Variants in GREB1 observed in about 807,000 individuals in gnomAD.
GREB1 encodes the protein growth regulating estrogen receptor binding 1, also known as protein GREB1.
In GREB1, 106 loss-of-function variants were observed where a neutral mutation model predicts 200.7. That is an observed-to-expected ratio of 0.53 (90% CI 0.45 to 0.62). The LOEUF (loss-of-function observed/expected upper bound fraction) is 0.62, where lower values mean the gene tolerates loss of function less well. Among genes scored for constraint, GREB1 ranks in the 20% least tolerant of loss-of-function variants. The pLI is 0.00. For synonymous variants in GREB1, 1,132 were observed against 1,092.4 expected (o/e 1.04, Z -0.72); for missense variants, 2,243 against 2,556.8 (o/e 0.88, Z 2.65).
chr2:11,578,830 T>G (rs929448357), intron 6 of GREB1, among the ~76,000 whole-genome samples: 1 of 152,190 alleles, frequency 6.6e-6, no homozygotes, highest in East Asian at 1.9e-4. Context: ...CCCAGCTCCA[T>G]GAATGCCTTG....
At chr2:11,547,348 A>G (rs1031576112) in intron 1 of GREB1, among the ~76,000 whole-genome samples, 1 of 152,358 alleles carries the variant, frequency 6.6e-6, no homozygotes, top group East Asian at 1.9e-4. Context: ...GACAGGTCCA[A>G]CCTTTCCAAG....
intron 18 of GREB1, 151 bp downstream of exon 18, chr2:11,611,178 C>T (rs1682892510): frequency 3.0e-6 from 2 of 659,586 alleles, no homozygotes; most frequent in Admixed American, 2.9e-5. Context: ...CTCTGTGCTT[C>T]CCCACCTCTG....
chr2:11,552,702 C>T (rs968360747), intron 1 of GREB1, among the ~76,000 whole-genome samples: 2 of 152,134 alleles, frequency 1.3e-5, no homozygotes, highest in African/African-American at 4.8e-5. Flanking sequence ...GTTGTGGCCA[C>T]AATGGAATAA....
At chr2:11,554,000 T>C (rs901171364) in intron 1 of GREB1, among the ~76,000 whole-genome samples, 2 of 152,170 alleles carry the variant, frequency 1.3e-5, no homozygotes, top group Admixed American at 1.3e-4. Flanking sequence ...TTTGGGATGT[T>C]ATTCGTTGGT....
At chr2:11,553,799 C>A (rs1676168863) in intron 1 of GREB1, among the ~76,000 whole-genome samples, 1 of 152,140 alleles carries the variant, frequency 6.6e-6, no homozygotes, top group Admixed American at 6.5e-5. Flanking sequence ...CTGCTGGAGT[C>A]TCCTGGGTGC....
At chr2:11,504,897 C>T in intron 1 of GREB1, among the ~76,000 whole-genome samples, 1 of 152,166 alleles carries the variant, frequency 6.6e-6, no homozygotes, top group South Asian at 2.1e-4. Context: ...GTAACAACTG[C>T]CTTGCAAGAT....
At position 11,637,678 on chromosome 2, in the gene GREB1, C is replaced by T. The variant is rs778314016; in HGVS notation, c.5347-38C>T. On this transcript the variant is annotated intron_variant, in intron 30 of 32. Coordinates refer to ENST00000381486, the MANE Select transcript of GREB1 (RefSeq NM_014668.4). ...AAGCCATGGGAAGGTCCTCGCCCCTCAGGGCAGTAGTGGCCTGACACCCCC... is the reference window on the plus strand; with the variant it reads ...AAGCCATGGGAAGGTCCTCGCCCCTTAGGGCAGTAGTGGCCTGACACCCCC... The T allele has an allele frequency of 1.7e-5, 27 of 1,599,786 alleles. 1 individual carries two copies. In the South Asian group the frequency reaches 2.8e-4, roughly 16 times the overall value.
chr2:11,489,070 G>T (rs1672722577), intron 1 of GREB1, among the ~76,000 whole-genome samples: 1 of 152,124 alleles, frequency 6.6e-6, no homozygotes, highest in Non-Finnish European at 1.5e-5. Context: ...ATGAATAAAT[G>T]AGCTTTTGTT....
chr2:11,562,454 C>T lies in GREB1; in HGVS notation c.158-9C>T, dbSNP rs200881312. 1.7e-4 allele frequency: 267 copies of T among 1,610,948 alleles called. No individual in the cohort carries two copies. The highest frequency in any genetic ancestry group is 2.5e-4 in the East Asian group (11 of 44,442). ...CTGCCTTGCTCATCACTCTTCTTCC[C>T]GCATCTAGGTGGTAGCCGAGTGGAC... On this transcript the variant is annotated splice_polypyrimidine_tract_variant and intron_variant, in intron 2 of 32. Coordinates refer to ENST00000381486, the MANE Select transcript of GREB1 (RefSeq NM_014668.4).
rs1685080303 is a variant in GREB1 at position 11,633,724 on chromosome 2, G to C, written c.4992-407G>C. Reference sequence around the variant, plus strand: ...TTTAACCTACTCCGATATTAAGAAAGGGACATTGCTGCCCCCCCAGAAACT... The same window carrying C: ...TTTAACCTACTCCGATATTAAGAAACGGACATTGCTGCCCCCCCAGAAACT... On this transcript the variant is annotated intron_variant, in intron 28 of 32. Transcript: ENST00000381486. This position sits in a 1 kb window ranked among gnomAD's most constrained non-coding sequence, Gnocchi z 4.1. Among the ~76,000 whole-genome samples, 1 of 152,054 alleles carries C rather than the reference G, an allele frequency of 6.6e-6. No individual in the cohort carries two copies. The highest frequency in any genetic ancestry group is 2.1e-4 in the South Asian group (1 of 4,828).
chr2:11,586,887 A>G (rs1055829035), intron 9 of GREB1, among the ~76,000 whole-genome samples: 2 of 152,206 alleles, frequency 1.3e-5, no homozygotes, highest in African/African-American at 4.8e-5. Flanking sequence ...AATGAAGACC[A>G]ACATTCTTTC....
intron 25 of GREB1, 43 bp downstream of exon 25, chr2:11,627,147 A>G: frequency 6.6e-7 from 1 of 1,522,100 alleles, no homozygotes; most frequent in African/African-American, 1.4e-5. Flanking sequence ...ACCTTGGCTC[A>G]CATTGTCCGT....
rs889328887 is a variant in GREB1, at chr2:11,493,314, G to C, written c.-159+10933G>C. Among the ~76,000 whole-genome samples the C allele has an allele frequency of 4.6e-5, 7 of 152,188 alleles. No homozygotes were observed. The highest frequency in any genetic ancestry group is 1.7e-4 in the African/African-American group (7 of 41,434). ...ACAATTTTTCCACAGACAGGGTGTG[G>C]GGGAGGGTGAAACTATTCCACCTCA... is the stretch of plus-strand genomic sequence containing the variant. On this transcript the variant is annotated intron_variant, in intron 1 of 2. Coordinates refer to the GREB1 transcript ENST00000628795. This position sits in a 1 kb window ranked among gnomAD's most constrained non-coding sequence, Gnocchi z 4.6.
Position 11,629,057 on chromosome 2 carries a change from C to G in GREB1, c.4450-891C>G, listed in dbSNP as rs1224289154. 6.6e-6 allele frequency among the ~76,000 whole-genome samples: 1 copy of G among 152,200 alleles called. No homozygotes were observed. Among genetic ancestry groups the G allele is most frequent in the Non-Finnish European group, 1.5e-5 (1 of 68,036 alleles). On this transcript the variant is annotated intron_variant, in intron 25 of 32. Coordinates refer to ENST00000381486, the MANE Select transcript of GREB1 (RefSeq NM_014668.4). This position sits in a 1 kb window ranked among gnomAD's most constrained non-coding sequence, Gnocchi z 5.2. ...GCCTCAGTGTGTCCTCCTTAACTGC[C>G]TCCCCGAGTCAAAATCCCTTTCTCC...
At chr2:11,530,397 G>C (rs1674028147), upstream of GREB1, among the ~76,000 whole-genome samples, 1 of 150,008 alleles carries the variant, frequency 6.7e-6, no homozygotes, top group Admixed American at 6.6e-5. Context: ...GTTGATCTTT[G>C]CCAAATAGGA....
At chr2:11,603,590 CCAGAACA>C (rs1681977526) in intron 17 of GREB1, among the ~76,000 whole-genome samples, 2 of 152,166 alleles carry the variant, frequency 1.3e-5, no homozygotes, top group African/African-American at 4.8e-5. Flanking sequence ...CTAGAATTTC[CCAGAACA>C]CTCTTGCAGA....
intron 10 of GREB1, chr2:11,592,091 G>C (rs1680778762): frequency 1.8e-5 from 18 of 981,410 alleles, no homozygotes; most frequent in Non-Finnish European, 2.2e-5. Context: ...AGTGTAACCT[G>C]TCTATACCAC....
chr2:11,544,600 C>T (rs112596682), intron 1 of GREB1, among the ~76,000 whole-genome samples: 2,740 of 152,144 alleles, frequency 0.018, 89 homozygotes, highest in African/African-American at 0.063. Flanking sequence ...GGGGAGGGGT[C>T]GCTCTAAGGA....
intron 1 of GREB1, among the ~76,000 whole-genome samples, chr2:11,488,194 C>T (rs1672698374): frequency 6.6e-6 from 1 of 152,128 alleles, no homozygotes; most frequent in African/African-American, 2.4e-5. Flanking sequence ...TAGACCAACT[C>T]GGAAACTCGG....
Sources: gnomAD v4.1 joint callset for allele counts (sites outside exome capture counted in the v4.1 genomes callset) on GRCh38, gnomAD v4.1.1 for gene constraint, Gnocchi (gnomAD v3.1) non-coding constraint, MANE v1.5 for transcripts, NCBI Gene and HGNC (gene_info 2026-07-23, HGNC 2026-07-21) for gene names.